The following KCNG4 variants were observed in gnomAD, a reference collection of about 807,000 sequenced individuals.
The protein encoded by KCNG4 is voltage-gated potassium channel regulatory subunit KCNG4.
In KCNG4, 30 loss-of-function variants were observed where a neutral mutation model predicts 28.2. The ratio of observed to expected loss-of-function variants is 1.06; its 90% confidence interval spans 0.80 to 1.44. The LOEUF is 1.44. KCNG4 is among the 40% of genes most tolerant of loss of function. The pLI is 0.00. For missense variants in KCNG4, 879 were observed against 712.3 expected, an observed-to-expected ratio of 1.23 and a Z score of -2.66; for synonymous variants, 375 against 315.5, an observed-to-expected ratio of 1.19 and a Z score of -2.00.
chr16:84,229,697 G>C (rs10221051), intron 2 of KCNG4, among the ~76,000 whole-genome samples: 70,248 of 152,060 alleles, frequency 0.46, 16,572 homozygotes, highest in South Asian at 0.52. Flanking sequence ...TTTGCGGGGG[G>C]CTGGAGTTGG....
rs1394586962 is a variant in KCNG4, at chr16:84,237,210, C to T, written c.276G>A (p.Arg92=). 2 of 1,614,120 alleles carry T rather than the reference C, an allele frequency of 1.2e-6. No individual in the cohort carries two copies. The highest frequency in any genetic ancestry group is 1.6e-4 in the Middle Eastern group (1 of 6,062). Residue 92 remains arginine, a synonymous_variant, in exon 2 of 3, where the codon CGG becomes CGA. Coordinates refer to ENST00000308251, the MANE Select transcript of KCNG4 (RefSeq NM_172347.3). ...AGAGCTGCACGATCTCCTCGTAGCT[C>T]CGACAGAGCCTGAGTTTGCTCAGGC... ...LSRLSKLRLC[R]SYEEIVQLCD...
rs1905005919 is a variant in KCNG4 at position 84,237,585 on chromosome 16, G to A, written c.-40-60C>T. 4 of 1,226,124 alleles carry A rather than the reference G, an allele frequency of 3.3e-6. No individual in the cohort carries two copies. In the South Asian group the frequency reaches 6.7e-5, roughly 21 times the overall value. 76.0% of individuals were successfully genotyped at this position (1,226,124 alleles called of 1,614,324 possible). Reference sequence around the variant, plus strand: ...AGGGAAATCAGTCTTGGGGCAAAGAGTCCTGGATGTCACGACTGCAGATGT... The same window carrying A: ...AGGGAAATCAGTCTTGGGGCAAAGAATCCTGGATGTCACGACTGCAGATGT... On this transcript the variant is annotated intron_variant, in intron 1 of 2. Coordinates refer to ENST00000308251, the MANE Select transcript of KCNG4 (RefSeq NM_172347.3).
rs1238580894 is a variant in KCNG4 at position 84,222,822 on chromosome 16, C to T, written c.955G>A (p.Asp319Asn). ...GAGCTCCCGCTCGGCCTCTCGCCGT[C>T]CTCCGGGGGCTCCTCAGACACCGCC... Reference protein sequence around the residue: ...SLAVSEEPPEDGERPSGSSYL... With the variant: ...SLAVSEEPPENGERPSGSSYL... The change falls in exon 3 of 3, where the codon GAC (aspartate) becomes AAC (asparagine). Residue 319 changes from aspartate (D) to asparagine (N), a missense_variant. Transcript: ENST00000308251. 14 of 1,610,044 alleles carry T rather than the reference C, an allele frequency of 8.7e-6. No homozygotes were observed. Among genetic ancestry groups the T allele is most frequent in the South Asian group, 4.4e-5 (4 of 90,892 alleles).
At chr16:84,232,760 G>A (rs374028192) in intron 2 of KCNG4, among the ~76,000 whole-genome samples, 8 of 151,900 alleles carry the variant, frequency 5.3e-5, no homozygotes, top group East Asian at 1.9e-4. Context: ...TTAGCCAGGC[G>A]TGATGATGCC....
intron 2 of KCNG4, among the ~76,000 whole-genome samples, chr16:84,233,515 C>T (rs1254297477): frequency 6.6e-6 from 1 of 152,064 alleles, no homozygotes; most frequent in Non-Finnish European, 1.5e-5. Flanking sequence ...CCAGCCTGGG[C>T]AACATGGGGA....
At chr16:84,223,119 A>G in intron 2 of KCNG4, 99 bp from the exon 3 acceptor site, 1 of 987,864 alleles carries the variant, frequency 1.0e-6, no homozygotes, top group Non-Finnish European at 1.5e-6. Flanking sequence ...TGTGCTGTAA[A>G]CTTAGTCGTC....
chr16:84,239,934 T>G lies in KCNG4; in HGVS notation c.-305A>C, dbSNP rs1316262644. ...TTGAGGTGGGATTTTTTTTTTTTTT[T>G]AAAGGACCCAGAAGTCCCTTTCCTT... On this transcript the variant is annotated 5_prime_UTR_variant, in exon 1 of 3. Transcript: ENST00000308251. Among the ~76,000 whole-genome samples the G allele has an allele frequency of 7.7e-6, 1 of 129,398 alleles. No homozygotes were observed. 84.9% of individuals were successfully genotyped at this position (129,398 alleles called of 152,430 possible). A position where few individuals can be genotyped will look rare whatever the true frequency, so the allele number is the denominator to read the frequency against.
intron 2 of KCNG4, among the ~76,000 whole-genome samples, chr16:84,229,713 C>A (rs1357701991): frequency 1.3e-5 from 2 of 152,030 alleles, no homozygotes; most frequent in Non-Finnish European, 2.9e-5. Context: ...GTTGGACCTG[C>A]AGAGGTGGGG....
At chr16:84,238,800 G>A (rs987195549) in intron 1 of KCNG4, among the ~76,000 whole-genome samples, 4 of 152,082 alleles carry the variant, frequency 2.6e-5, no homozygotes, top group East Asian at 1.9e-4. Context: ...CCCGGGAGGC[G>A]GAGGCTGCAG....
At position 84,226,346 on chromosome 16, in the gene KCNG4, C is replaced by T. The variant is rs1365272586; in HGVS notation, c.757-3326G>A. Among the ~76,000 whole-genome samples, 1 of 152,262 alleles carries T rather than the reference C, an allele frequency of 6.6e-6. No homozygotes were observed. The highest frequency in any genetic ancestry group is 6.5e-5 in the Admixed American group (1 of 15,308). On this transcript the variant is annotated intron_variant, in intron 2 of 2. Transcript: ENST00000308251. The surrounding 1 kb of genome is among the most constrained non-coding windows in gnomAD (Gnocchi z 4.1). The stretch of plus-strand genomic sequence containing the variant: ...AAAGTGATCAGAACAGTGGCTGCCT[C>T]TGGGTAGTGTAGGGATGGCCTGTGA...
rs971498061 is a variant in KCNG4, at chr16:84,226,584, A to T, written c.757-3564T>A. 3.3e-5 allele frequency among the ~76,000 whole-genome samples: 5 copies of T among 152,000 alleles called. No homozygotes were observed. Among genetic ancestry groups the T allele is most frequent in the African/African-American group, 1.2e-4 (5 of 41,398 alleles). On this transcript the variant is annotated intron_variant, in intron 2 of 2. Transcript: ENST00000308251. The surrounding 1 kb of genome is among the most constrained non-coding windows in gnomAD (Gnocchi z 4.1). Reference sequence around the variant, plus strand: ...GGGGATGGAAAGAGAGGAAACAAGAATGGCAGAATATTGGCTGGGCACAAT... The same window carrying T: ...GGGGATGGAAAGAGAGGAAACAAGATTGGCAGAATATTGGCTGGGCACAAT...
At position 84,222,175 on chromosome 16, in the gene KCNG4, G is replaced by A; in HGVS notation, c.*42C>T. ...TACCCTTGAGTGTGTTTCAGGCAGG[G>A]TGATGGGTTGAGGTTACCATGTAGT... On this transcript the variant is annotated 3_prime_UTR_variant, in exon 3 of 3. Transcript: ENST00000308251. The A allele has an allele frequency of 6.3e-7, 1 of 1,593,368 alleles. No homozygotes were observed. The highest frequency in any genetic ancestry group is 8.6e-7 in the Non-Finnish European group (1 of 1,163,902).
chr16:84,223,963 C>T lies in KCNG4; in HGVS notation c.757-943G>A, dbSNP rs114035624. Among the ~76,000 whole-genome samples the T allele has an allele frequency of 5.4e-3, 815 of 152,268 alleles. 5 individuals carry two copies. The highest frequency in any genetic ancestry group is 0.018 in the African/African-American group (740 of 41,542). On this transcript the variant is annotated intron_variant, in intron 2 of 2. Transcript: ENST00000308251. ...ATCGACATGCGGGATTCTAGCTCAG[C>T]AGTTCCAGCTGGGCGGGGGCCGTTC...
Position 84,236,623 on chromosome 16 carries a change from TTTC to T in KCNG4, c.756+104_756+106del, listed in dbSNP as rs1904956429. The T allele has an allele frequency of 1.9e-5, 22 of 1,152,710 alleles. No individual in the cohort carries two copies. In the South Asian group the frequency reaches 3.6e-4, roughly 19 times the overall value. 71.4% of individuals were successfully genotyped at this position (1,152,710 alleles called of 1,614,324 possible). ...ACCCATGTTGGATAATATTCATTTT[TTTC>T]TTCTTATTTTAAGATCTGAAGACAT... is the stretch of plus-strand genomic sequence containing the variant. On this transcript the variant is annotated intron_variant, in intron 2 of 2. Transcript: ENST00000308251.
chr16:84,232,550 A>G (rs1281506353), intron 2 of KCNG4, among the ~76,000 whole-genome samples: 1 of 152,194 alleles, frequency 6.6e-6, no homozygotes, highest in Non-Finnish European at 1.5e-5. Flanking sequence ...AAATGCCACT[A>G]AATTGTTCCC....
Position 84,226,803 on chromosome 16 carries a change from T to C in KCNG4, c.757-3783A>G, listed in dbSNP as rs1269271432. ...CTGAGGCAGGAGAATGGCTTGGACCTGGTAGGCGGAGGTTGCAGTGAGCCG... is the reference window on the plus strand; with the variant it reads ...CTGAGGCAGGAGAATGGCTTGGACCCGGTAGGCGGAGGTTGCAGTGAGCCG... On this transcript the variant is annotated intron_variant, in intron 2 of 2. Transcript: ENST00000308251. The surrounding 1 kb of genome is among the most constrained non-coding windows in gnomAD (Gnocchi z 4.1). 6.6e-6 allele frequency among the ~76,000 whole-genome samples: 1 copy of C among 151,512 alleles called. No individual in the cohort carries two copies. Among genetic ancestry groups the C allele is most frequent in the Non-Finnish European group, 1.5e-5 (1 of 67,832 alleles).
chr16:84,234,558 G>T (rs1904899203), intron 2 of KCNG4, among the ~76,000 whole-genome samples: 1 of 152,192 alleles, frequency 6.6e-6, no homozygotes, highest in Non-Finnish European at 1.5e-5. Flanking sequence ...CTATGAGAAG[G>T]TAGAAAAACA....
At position 84,237,393 on chromosome 16, in the gene KCNG4, C is replaced by T. The variant is rs747817490; in HGVS notation, c.93G>A (p.Met31Ile). The part of the protein sequence containing the change: ...SPWSQLLSSP[M>I]ETPSIKGLYY... ...AAAGGCCCTTGATGGACGGCGTCTC[C>T]ATGGGGCTGGACAGGAGCTGACTCC... The change falls in exon 2 of 3, where the codon ATG (methionine) becomes ATA (isoleucine). Residue 31 changes from methionine (M) to isoleucine (I), a missense_variant. By Grantham distance (10) the Met-to-Ile change is conservative. Transcript: ENST00000308251. 14 of 1,533,414 alleles carry T rather than the reference C, an allele frequency of 9.1e-6. No homozygotes were observed. In the East Asian group the frequency reaches 2.9e-4, roughly 32 times the overall value. 95.0% of individuals were successfully genotyped at this position (1,533,414 alleles called of 1,614,324 possible).
intron 2 of KCNG4, among the ~76,000 whole-genome samples, chr16:84,232,274 T>C (rs1041355649): frequency 1.2e-4 from 18 of 152,168 alleles, no homozygotes; most frequent in Non-Finnish European, 2.5e-4. Flanking sequence ...GTCTGACGCA[T>C]GGCACAGTGC....
Sources: allele counts gnomAD v4.1 joint callset (sites outside exome capture counted in the v4.1 genomes callset), GRCh38; gene constraint gnomAD v4.1.1; non-coding constraint Gnocchi (gnomAD v3.1); transcripts MANE v1.5; gene names NCBI Gene and HGNC (gene_info 2026-07-23, HGNC 2026-07-21).